The following MRPL1 variants were observed in gnomAD, a reference collection of about 807,000 sequenced individuals.
The protein encoded by MRPL1 is large ribosomal subunit protein uL1m.
In MRPL1, 28 loss-of-function variants were observed where a neutral mutation model predicts 38.0. The ratio of observed to expected loss-of-function variants is 0.74; its 90% CI spans 0.55 to 1.01. The LOEUF (loss-of-function observed/expected upper bound fraction) is 1.01. Ranked by LOEUF, MRPL1 falls within the 50% of genes least tolerant of loss-of-function variation. The pLI, the probability that MRPL1 is intolerant of heterozygous loss-of-function variation, is 0.00. For missense variants in MRPL1, 358 were observed against 389.8 expected (o/e 0.92, Z 0.69); for synonymous variants, 123 against 126.7 (o/e 0.97, Z 0.20).
chr4:77,945,398 T>G (rs1018962574), intron 7 of MRPL1, among the ~76,000 whole-genome samples: 1 of 151,988 alleles, frequency 6.6e-6, no homozygotes, highest in Admixed American at 6.6e-5. Flanking sequence ...CAGTTTTCAG[T>G]CAAAGGTGAT....
intron 6 of MRPL1, among the ~76,000 whole-genome samples, chr4:77,894,743 T>C (rs1462994871): frequency 6.6e-6 from 1 of 152,136 alleles, no homozygotes; most frequent in African/African-American, 2.4e-5. Flanking sequence ...AACTGTGTTA[T>C]AAAGTGTGAG....
chr4:77,875,775 G>A (rs935394554), intron 2 of MRPL1, among the ~76,000 whole-genome samples: 8 of 152,078 alleles, frequency 5.3e-5, no homozygotes, highest in East Asian at 1.9e-4. Context: ...AGATGAATAC[G>A]GAGGTGGCAG....
At chr4:77,917,454 G>A (rs976837038) in intron 7 of MRPL1, among the ~76,000 whole-genome samples, 5 of 151,736 alleles carry the variant, frequency 3.3e-5, no homozygotes, top group Non-Finnish European at 7.4e-5. Flanking sequence ...GATACAGTAG[G>A]GATTTTTAAT....
intron 3 of MRPL1, among the ~76,000 whole-genome samples, chr4:77,884,019 A>G (rs541422093): frequency 6.6e-6 from 1 of 152,354 alleles, no homozygotes; most frequent in East Asian, 1.9e-4. Context: ...GAGTTAACAT[A>G]GATTTCCTAT....
intron 6 of MRPL1, among the ~76,000 whole-genome samples, chr4:77,903,549 C>T (rs1236401531): frequency 1.3e-5 from 2 of 152,070 alleles, no homozygotes; most frequent in African/African-American, 4.8e-5. Flanking sequence ...TGATACTAAG[C>T]TATTTTAGTG....
intron 7 of MRPL1, among the ~76,000 whole-genome samples, chr4:77,923,394 C>G (rs1360013488): frequency 6.6e-6 from 1 of 152,026 alleles, no homozygotes; most frequent in African/African-American, 2.4e-5. Flanking sequence ...CTGTGCCCGA[C>G]CCTGGTTTGT....
At chr4:77,889,795 G>T (rs1578043971) in intron 5 of MRPL1, among the ~76,000 whole-genome samples, 2 of 152,094 alleles carry the variant, frequency 1.3e-5, no homozygotes, top group African/African-American at 4.8e-5. Context: ...TGATAAAGGG[G>T]ATATCACCAC....
intron 7 of MRPL1, among the ~76,000 whole-genome samples, chr4:77,948,306 G>T (rs1206845080): frequency 6.6e-6 from 1 of 152,136 alleles, no homozygotes; most frequent in Non-Finnish European, 1.5e-5. Context: ...GAGGGGAATT[G>T]AAGGCAGGGA....
chr4:77,886,968 T>G (rs1472697265), intron 4 of MRPL1, among the ~76,000 whole-genome samples: 1 of 151,906 alleles, frequency 6.6e-6, no homozygotes, highest in African/African-American at 2.4e-5. Flanking sequence ...AATTTTTATA[T>G]TTTTAGTAGA....
chr4:77,870,152 C>T (rs980734332), intron 1 of MRPL1, among the ~76,000 whole-genome samples: 1 of 152,158 alleles, frequency 6.6e-6, no homozygotes, highest in Non-Finnish European at 1.5e-5. Flanking sequence ...CCTTGGCCTC[C>T]CAAAGTGCTG....
At chr4:77,925,027 C>T (rs1230285644) in intron 7 of MRPL1, among the ~76,000 whole-genome samples, 5 of 152,102 alleles carry the variant, frequency 3.3e-5, no homozygotes, top group African/African-American at 1.2e-4. Flanking sequence ...CACCCATATA[C>T]TACTCATCAC....
rs767328466 is a variant in MRPL1 at position 77,952,589 on chromosome 4, TGA to T, written c.961_962del (p.Glu321LysfsTer28). Reference sequence around the variant, plus strand: ...CTAAAGAAGTAAAAAATGAAGAAAGTGAAAAAGAAGATGCCTAAATGTGGTGA... The same window carrying T: ...CTAAAGAAGTAAAAAATGAAGAAAGTAAAAGAAGATGCCTAAATGTGGTGA... The part of the protein sequence containing the change: ...LPKEVKNEES[E>X]KEDA On this transcript the variant is annotated frameshift_variant, in exon 9 of 9. Coordinates refer to ENST00000315567, the MANE Select transcript of MRPL1 (RefSeq NM_020236.4). LOFTEE classifies it high-confidence loss of function. The T allele has an allele frequency of 6.2e-7, 1 of 1,605,638 alleles. No individual in the cohort carries two copies. Among genetic ancestry groups the T allele is most frequent in the African/African-American group, 1.3e-5 (1 of 74,766 alleles).
rs774178945 is a variant in MRPL1, at chr4:77,918,053, C to CAA, written c.777+8696_777+8697dup. On this transcript the variant is annotated intron_variant, in intron 7 of 8. Transcript: ENST00000315567. Reference sequence around the variant, plus strand: ...TGGGCAACAGAGCGAGACTTCATCTCAAAAAAAAAAAAAAAAGGTATGTGT... The same window carrying CAA: ...TGGGCAACAGAGCGAGACTTCATCTCAAAAAAAAAAAAAAAAAAGGTATGTGT... 4.6e-4 allele frequency among the ~76,000 whole-genome samples: 38 copies of CAA among 82,270 alleles called. 1 individual carries two copies. The highest frequency in any genetic ancestry group is 1.4e-3 in the Admixed American group (10 of 7,128). The allele number at this position is 82,270 out of a possible 152,430, so 54.0% of individuals were successfully genotyped here.
intron 3 of MRPL1, among the ~76,000 whole-genome samples, chr4:77,884,855 T>C (rs1443628466): frequency 3.3e-5 from 5 of 152,212 alleles, no homozygotes; most frequent in African/African-American, 1.2e-4. Flanking sequence ...ATAGCAAACA[T>C]TTATTATACA....
At chr4:77,864,000 G>GTTTTTTTTTTTT (rs34560176) in intron 1 of MRPL1, among the ~76,000 whole-genome samples, 1 of 125,886 alleles carries the variant, frequency 7.9e-6, no homozygotes, top group African/African-American at 2.9e-5. Flanking sequence ...CTGCATCACA[G>GTTTTTTTTTTTT]TTTTTTTTTT....
chr4:77,933,484 A>G (rs1224639608), intron 7 of MRPL1, among the ~76,000 whole-genome samples: 3 of 152,160 alleles, frequency 2.0e-5, no homozygotes, highest in African/African-American at 4.8e-5. Context: ...GAACTTGGAA[A>G]AGTGATCTCA....
At chr4:77,920,289 T>G (rs1736537280) in intron 7 of MRPL1, among the ~76,000 whole-genome samples, 1 of 152,218 alleles carries the variant, frequency 6.6e-6, no homozygotes, top group African/African-American at 2.4e-5. Context: ...CAAGTGTACC[T>G]GTATATACAA....
chr4:77,927,481 A>AT (rs1487851164), intron 7 of MRPL1, among the ~76,000 whole-genome samples: 1 of 152,184 alleles, frequency 6.6e-6, no homozygotes, highest in African/African-American at 2.4e-5. Flanking sequence ...CACAGGACAG[A>AT]TTCCTGTTAG....
intron 6 of MRPL1, among the ~76,000 whole-genome samples, chr4:77,905,171 A>C (rs1006242516): frequency 6.6e-6 from 1 of 152,156 alleles, no homozygotes; most frequent in South Asian, 2.1e-4. Context: ...TTTTTAAAAA[A>C]GGGGCAAAAT....
Sources: gnomAD v4.1 joint callset for allele counts (sites outside exome capture counted in the v4.1 genomes callset) on GRCh38, gnomAD v4.1.1 for gene constraint, MANE v1.5 for transcripts, NCBI Gene and HGNC (gene_info 2026-07-23, HGNC 2026-07-21) for gene names.